The following MSRA variants were observed in gnomAD, a reference collection of about 807,000 sequenced individuals.
MSRA encodes mitochondrial peptide methionine sulfoxide reductase.
In MSRA, 54 loss-of-function variants were observed where a neutral mutation model predicts 31.3. The observed-to-expected ratio is 1.73, with a 90% CI of 1.39 to 2.17. MSRA has a LOEUF of 2.17. Among genes scored for constraint, MSRA ranks in the 30% most tolerant of loss-of-function variants. MSRA has a pLI of 0.00. For missense variants in MSRA, 507 were observed against 300.9 expected (o/e 1.69, Z -5.07); for synonymous variants, 169 against 116.5 (o/e 1.45, Z -2.90).
At chr8:10,360,640 C>T (rs1427148311) in intron 5 of MSRA, among the ~76,000 whole-genome samples, 4 of 152,198 alleles carry the variant, frequency 2.6e-5, no homozygotes, top group Admixed American at 1.3e-4. Flanking sequence ...GTAGCATACA[C>T]GAAACTGTCT....
At chr8:10,059,679 C>T (rs1357227915) in intron 1 of MSRA, among the ~76,000 whole-genome samples, 3 of 152,052 alleles carry the variant, frequency 2.0e-5, no homozygotes, top group Non-Finnish European at 2.9e-5. Context: ...TTCTGCATGG[C>T]AAAAATCATC....
chr8:10,165,058 C>G (rs371470958), intron 1 of MSRA, among the ~76,000 whole-genome samples: 2 of 152,158 alleles, frequency 1.3e-5, no homozygotes, highest in East Asian at 3.9e-4. Context: ...GGGCTGCATC[C>G]TAGACCAATT....
intron 4 of MSRA, among the ~76,000 whole-genome samples, chr8:10,302,601 A>G (rs1280378937): frequency 6.6e-6 from 1 of 152,230 alleles, no homozygotes; most frequent in African/African-American, 2.4e-5. Flanking sequence ...TGCTGGTTCT[A>G]AGAACCATCC....
chr8:10,238,051 C>A (rs1304797130), intron 2 of MSRA, among the ~76,000 whole-genome samples: 1 of 152,202 alleles, frequency 6.6e-6, no homozygotes. Context: ...CCTTAACCAT[C>A]CCACAAGGTC....
chr8:10,138,099 A>G lies in MSRA; in HGVS notation c.143-69734A>G, dbSNP rs546985978. On this transcript the variant is annotated intron_variant, in intron 1 of 5. Transcript: ENST00000317173. ...TGAAATAAGAGCCTTGGCTTCTTGG[A>G]GCTGGTCAGACTCTTTCTGGATTGT... Among the ~76,000 whole-genome samples the G allele has an allele frequency of 2.7e-4, 41 of 152,270 alleles. 1 individual carries two copies. Among genetic ancestry groups the G allele is most frequent in the Non-Finnish European group, 2.2e-4 (15 of 68,028 alleles).
At chr8:10,425,093 C>G (rs1210325920) in intron 5 of MSRA, among the ~76,000 whole-genome samples, 1 of 151,992 alleles carries the variant, frequency 6.6e-6, no homozygotes, top group Admixed American at 6.5e-5. Flanking sequence ...CTTTCCCCTT[C>G]TTTCGCACCT....
intron 1 of MSRA, among the ~76,000 whole-genome samples, chr8:10,147,198 G>A (rs2129034269): frequency 6.6e-6 from 1 of 152,310 alleles, no homozygotes; most frequent in Admixed American, 6.5e-5. Context: ...AGCCAGAGTA[G>A]ATGAGAAGGA....
chr8:10,301,545 C>T lies in MSRA; in HGVS notation c.343C>T (p.His115Tyr). The T allele has an allele frequency of 6.2e-7, 1 of 1,612,366 alleles. No individual in the cohort carries two copies. The highest frequency in any genetic ancestry group is 8.5e-7 in the Non-Finnish European group (1 of 1,179,528). Residue 115 changes from histidine to tyrosine, a missense_variant, in exon 4 of 6, where the codon CAT becomes TAT. Physicochemically the swap from His to Tyr is moderately conservative, Grantham distance 83. Coordinates refer to ENST00000317173, the MANE Select transcript of MSRA (RefSeq NM_012331.5). ...TTGTTTTTTCCAAGAAAAAACTGGC[C>T]ATGCAGAAGTCGTCCGAGTGGTGTA... ...YKEVCSEKTGHAEVVRVVYQP... is the reference protein window; with the variant it reads ...YKEVCSEKTGYAEVVRVVYQP...
chr8:10,209,888 G>T (rs1809322720), intron 2 of MSRA, among the ~76,000 whole-genome samples: 2 of 152,222 alleles, frequency 1.3e-5, no homozygotes, highest in African/African-American at 4.8e-5. Context: ...GAATTCTACA[G>T]ATGATAAAGT....
At chr8:10,256,704 A>G (rs925992782) in intron 3 of MSRA, among the ~76,000 whole-genome samples, 1 of 152,200 alleles carries the variant, frequency 6.6e-6, no homozygotes, top group Admixed American at 6.5e-5. Context: ...CCAGAGTGTA[A>G]GAGTTCAGAT....
chr8:10,180,798 G>A (rs1264216568), intron 1 of MSRA, among the ~76,000 whole-genome samples: 4 of 152,178 alleles, frequency 2.6e-5, no homozygotes, highest in South Asian at 2.1e-4. Context: ...TTGTTGCACC[G>A]AAGAAATGTA....
At chr8:10,403,524 G>A (rs114496484) in intron 5 of MSRA, among the ~76,000 whole-genome samples, 67 of 152,310 alleles carry the variant, frequency 4.4e-4, no homozygotes, top group African/African-American at 1.4e-3. Flanking sequence ...CTGGGGCTCT[G>A]GAGGTGCTCG....
At chr8:10,320,484 G>C (rs1343840047) in intron 5 of MSRA, 2 of 152,272 alleles carry the variant, frequency 1.3e-5, no homozygotes, top group Admixed American at 1.3e-4. Context: ...AAAAAATAAA[G>C]AGTAGGCCCT....
chr8:10,075,542 T>C (rs575897171), intron 1 of MSRA, among the ~76,000 whole-genome samples: 2 of 152,200 alleles, frequency 1.3e-5, no homozygotes, highest in Non-Finnish European at 2.9e-5. Context: ...TCTACAAATA[T>C]GTAAAAATAT....
chr8:10,133,581 T>C (rs1531919), intron 1 of MSRA, among the ~76,000 whole-genome samples: 135,839 of 152,220 alleles, frequency 0.89, 60,738 homozygotes, highest in East Asian at 0.97. Context: ...GCCCTTCCAG[T>C]GTGAACCTGT....
intron 1 of MSRA, among the ~76,000 whole-genome samples, chr8:10,095,268 G>A (rs1257661078): frequency 1.3e-5 from 2 of 152,198 alleles, no homozygotes; most frequent in African/African-American, 2.4e-5. Context: ...CTAGGGAACA[G>A]ATTCCTTATT....
rs572605122 is a variant in MSRA at position 10,367,293 on chromosome 8, A to G, written c.543+47304A>G. On this transcript the variant is annotated intron_variant, in intron 5 of 5. Transcript: ENST00000317173. ...CAGAAAGAGAGACCACAGTCACATA[A>G]CTTTTATTACAATATATTGTGATAA... Among the ~76,000 whole-genome samples the G allele has an allele frequency of 2.4e-4, 37 of 152,272 alleles. No homozygotes were observed. In the South Asian group the frequency reaches 2.7e-3, roughly 11 times the overall value.
At chr8:10,250,506 A>G in intron 3 of MSRA, 2 of 701,212 alleles carry the variant, frequency 2.9e-6, no homozygotes, top group Non-Finnish European at 5.2e-6. Context: ...ATCCAGAAGC[A>G]TGAAAGGAGC....
At chr8:10,122,352 G>T (rs1423139912) in intron 1 of MSRA, among the ~76,000 whole-genome samples, 1 of 152,204 alleles carries the variant, frequency 6.6e-6, no homozygotes, top group African/African-American at 2.4e-5. Flanking sequence ...GCAGAAAGGA[G>T]CTGAGTGTGG....
Sources: allele counts gnomAD v4.1 joint callset (sites outside exome capture counted in the v4.1 genomes callset), GRCh38; gene constraint gnomAD v4.1.1; transcripts MANE v1.5; gene names NCBI Gene and HGNC (gene_info 2026-07-23, HGNC 2026-07-21).